The following PCDH15 variants were observed in gnomAD, a reference collection of about 807,000 sequenced individuals.
The protein encoded by PCDH15 is protocadherin-15.
Under a neutral mutation model 178.5 loss-of-function variants are expected in PCDH15, and 129 were observed. The observed-to-expected ratio is 0.72, with a 90% CI of 0.63 to 0.84. The LOEUF is 0.84. PCDH15 is among the 40% of genes least tolerant of loss of function. The pLI, the probability that PCDH15 is intolerant of heterozygous loss-of-function variation, is 0.00. For synonymous variants in PCDH15, 800 were observed against 732.0 expected, an observed-to-expected ratio of 1.09 and a Z score of -1.50; for missense variants, 2,230 against 2,099.9, an observed-to-expected ratio of 1.06 and a Z score of -1.21.
At chr10:55,068,078 T>G (rs1841613038) in intron 2 of PCDH15, among the ~76,000 whole-genome samples, 1 of 152,140 alleles carries the variant, frequency 6.6e-6, no homozygotes, top group Non-Finnish European at 1.5e-5. Flanking sequence ...CAGAATCTTT[T>G]TACTGTAATG....
At chr10:54,869,644 C>T (rs937814719) in intron 3 of PCDH15, among the ~76,000 whole-genome samples, 1 of 152,068 alleles carries the variant, frequency 6.6e-6, no homozygotes, top group Admixed American at 6.6e-5. Flanking sequence ...GTATTTTCTT[C>T]ATATGATTTT....
At chr10:54,590,019 C>A (rs568544078) in intron 2 of PCDH15, among the ~76,000 whole-genome samples, 4 of 152,132 alleles carry the variant, frequency 2.6e-5, no homozygotes, top group African/African-American at 9.7e-5. Context: ...TTTTCCTAGA[C>A]AATGAAAAGA....
intron 2 of PCDH15, among the ~76,000 whole-genome samples, chr10:55,621,939 T>C (rs1394382309): frequency 6.7e-6 from 1 of 148,166 alleles, no homozygotes; most frequent in East Asian, 1.9e-4. Context: ...TTGAAACCCT[T>C]TTTAAAGATC....
At chr10:54,445,264 T>C (rs971423734) in intron 3 of PCDH15, among the ~76,000 whole-genome samples, 4 of 151,534 alleles carry the variant, frequency 2.6e-5, no homozygotes, top group African/African-American at 9.7e-5. Flanking sequence ...GTTATCACAT[T>C]TTATTCACAT....
intron 17 of PCDH15, among the ~76,000 whole-genome samples, chr10:54,074,886 CTGTTTGTTTTT>C (rs1431279458): frequency 6.6e-6 from 1 of 151,930 alleles, no homozygotes; most frequent in African/African-American, 2.4e-5. Flanking sequence ...GTTTTGTTTT[CTGTTTGTTTTT>C]TATAATAGCG....
At chr10:54,594,780 C>T (rs984567545) in intron 2 of PCDH15, among the ~76,000 whole-genome samples, 13 of 152,178 alleles carry the variant, frequency 8.5e-5, no homozygotes, top group Non-Finnish European at 1.9e-4. Context: ...CATCCCTTCT[C>T]CCCCTGTTGC....
At chr10:54,532,219 C>G (rs186509584) in intron 2 of PCDH15, among the ~76,000 whole-genome samples, 2 of 152,074 alleles carry the variant, frequency 1.3e-5, no homozygotes, top group Non-Finnish European at 2.9e-5. Flanking sequence ...AAAGAATTTA[C>G]CATTTATTTT....
At chr10:54,078,319 G>A (rs1172299029) in intron 17 of PCDH15, among the ~76,000 whole-genome samples, 2 of 151,414 alleles carry the variant, frequency 1.3e-5, no homozygotes, top group Non-Finnish European at 2.9e-5. Context: ...AAACTATTCA[G>A]GTATCAATTT....
chr10:54,088,582 C>T (rs1202802316), intron 16 of PCDH15, among the ~76,000 whole-genome samples: 1 of 152,036 alleles, frequency 6.6e-6, no homozygotes, highest in Non-Finnish European at 1.5e-5. Flanking sequence ...TATCGTTAAT[C>T]TTTGTGCATT....
At chr10:55,309,988 C>A (rs1389797162) in intron 1 of PCDH15, among the ~76,000 whole-genome samples, 1 of 152,016 alleles carries the variant, frequency 6.6e-6, no homozygotes, top group African/African-American at 2.4e-5. Context: ...CAAGTTTTTG[C>A]TCACCTTTCC....
At chr10:55,062,649 T>C (rs1377845971) in intron 2 of PCDH15, among the ~76,000 whole-genome samples, 1 of 152,170 alleles carries the variant, frequency 6.6e-6, no homozygotes, top group Non-Finnish European at 1.5e-5. Flanking sequence ...TGTATGATGC[T>C]ATAATGGTAG....
intron 2 of PCDH15, among the ~76,000 whole-genome samples, chr10:55,605,162 C>T (rs1319566471): frequency 6.6e-6 from 1 of 151,378 alleles, no homozygotes; most frequent in African/African-American, 2.4e-5. Context: ...TGGATAAATT[C>T]CTCGACACAT....
rs1314130654 is a variant in PCDH15, at chr10:54,831,189, AT to A, written c.-29+66260del. Among the ~76,000 whole-genome samples the A allele has an allele frequency of 2.6e-5, 4 of 152,020 alleles. No homozygotes were observed. The South Asian group carries it at 8.3e-4, about 32-fold the overall frequency. ...TTGGATAAAAGATACATGTAAGATA[AT>A]TTTTTTATTCCTGATCTAACAAAAA... On this transcript the variant is annotated intron_variant, in intron 3 of 5. Transcript: ENST00000458638.
chr10:54,007,252 T>C (rs896707991), intron 20 of PCDH15, among the ~76,000 whole-genome samples: 3 of 152,198 alleles, frequency 2.0e-5, no homozygotes, highest in East Asian at 3.8e-4. Context: ...TAAAATTGTT[T>C]AGAATTTTAT....
At chr10:55,455,567 A>T (rs1839532066) in intron 2 of PCDH15, among the ~76,000 whole-genome samples, 1 of 151,780 alleles carries the variant, frequency 6.6e-6, no homozygotes, top group African/African-American at 2.4e-5. Flanking sequence ...AGACATTTCA[A>T]TACTGTACTG....
At chr10:54,002,054 T>C (rs900226807) in intron 20 of PCDH15, among the ~76,000 whole-genome samples, 1 of 11,156 alleles carries the variant, frequency 9.0e-5, no homozygotes, top group African/African-American at 1.1e-3. Context: ...TACATATATG[T>C]ATATATATAC....
intron 26 of PCDH15, among the ~76,000 whole-genome samples, chr10:53,882,264 CA>C (rs2133355126): frequency 1.5e-5 from 2 of 133,590 alleles, no homozygotes; most frequent in Admixed American, 1.7e-4. Flanking sequence ...TGTTTCCTTT[CA>C]ACCCCCACAT....
intron 18 of PCDH15, among the ~76,000 whole-genome samples, chr10:54,025,311 A>G (rs1208076046): frequency 1.3e-5 from 2 of 152,164 alleles, no homozygotes; most frequent in Non-Finnish European, 2.9e-5. Flanking sequence ...AGATGGTCTC[A>G]CCAGGGCTAT....
In PCDH15 at chr10:54,849,052, G is replaced by A. The variant is rs540432257; in HGVS notation, c.-29+48398C>T. Among the ~76,000 whole-genome samples, 31 of 151,946 alleles carry A rather than the reference G, an allele frequency of 2.0e-4. No homozygotes were observed. The East Asian group carries it at 5.0e-3, about 25-fold the overall frequency. On this transcript the variant is annotated intron_variant, in intron 3 of 5. Transcript: ENST00000458638. Reference sequence around the variant, plus strand: ...ATCTATAAAATTTAAAAAAAATTACGTTGAATAATTTTGCTTTTGCTAAAT... The same window carrying A: ...ATCTATAAAATTTAAAAAAAATTACATTGAATAATTTTGCTTTTGCTAAAT...
Sources: allele counts gnomAD v4.1 joint callset (sites outside exome capture counted in the v4.1 genomes callset), GRCh38; gene constraint gnomAD v4.1.1; transcripts MANE v1.5; gene names NCBI Gene and HGNC (gene_info 2026-07-23, HGNC 2026-07-21).